PLCH1: variants seen among roughly 807,000 people sequenced by gnomAD.
PLCH1 encodes 1-phosphatidylinositol 4,5-bisphosphate phosphodiesterase eta-1.
In PLCH1, 60 loss-of-function variants were observed where a neutral mutation model predicts 126.7. The observed-to-expected ratio is 0.47, with a 90% confidence interval of 0.38 to 0.59. The LOEUF (loss-of-function observed/expected upper bound fraction) is 0.59, where lower values mean the gene tolerates loss of function less well. Ranked by LOEUF, PLCH1 falls within the 20% of genes least tolerant of loss-of-function variation. PLCH1 has a pLI of 0.00. For missense variants in PLCH1, 1,723 were observed against 2,040.0 expected (o/e 0.84, Z 2.99); for synonymous variants, 719 against 734.9 (o/e 0.98, Z 0.35).
At chr3:155,636,703 G>A (rs1224579062) in intron 2 of PLCH1, among the ~76,000 whole-genome samples, 1 of 150,408 alleles carries the variant, frequency 6.6e-6, no homozygotes, top group South Asian at 2.1e-4. Context: ...CCGAGATCAC[G>A]CCATTGCACC....
intron 2 of PLCH1, among the ~76,000 whole-genome samples, chr3:155,661,049 G>A (rs145112027): frequency 9.8e-5 from 15 of 152,326 alleles, no homozygotes; most frequent in Non-Finnish European, 2.2e-4. Context: ...ATTGCCCATA[G>A]CAGAGGTGGA....
chr3:155,497,435 AGG>A lies in PLCH1; in HGVS notation c.1797-20_1797-19del, dbSNP rs1314154480. 1.3e-6 allele frequency: 2 copies of A among 1,548,094 alleles called. No individual in the cohort carries two copies. The highest frequency in any genetic ancestry group is 2.2e-5 in the South Asian group (2 of 89,582). On this transcript the variant is annotated intron_variant, in intron 14 of 22. Coordinates refer to ENST00000460012, the MANE Select transcript of PLCH1 (RefSeq NM_014996.4). ...GACCCAATCTGTGAAGTACCCACAG[AGG>A]ATGCATGACATTTTGGAGTTGAAAG...
intron 2 of PLCH1, among the ~76,000 whole-genome samples, chr3:155,694,006 T>C (rs1264067957): frequency 6.6e-6 from 1 of 152,158 alleles, no homozygotes; most frequent in Admixed American, 6.5e-5. Context: ...TCTTCTATAT[T>C]TTCCTGCTTA....
chr3:155,631,946 T>C (rs1044293545), intron 2 of PLCH1, among the ~76,000 whole-genome samples: 15 of 141,228 alleles, frequency 1.1e-4, no homozygotes, highest in African/African-American at 3.9e-4. Context: ...CTCAGAAACA[T>C]AAAAATAGTC....
intron 2 of PLCH1, among the ~76,000 whole-genome samples, chr3:155,696,981 C>T (rs912070637): frequency 1.3e-5 from 2 of 152,214 alleles, no homozygotes; most frequent in Admixed American, 6.5e-5. Flanking sequence ...GCTTCCCATA[C>T]ATCCAGATCT....
chr3:155,597,059 G>C (rs1442783579), intron 2 of PLCH1, among the ~76,000 whole-genome samples: 1 of 152,184 alleles, frequency 6.6e-6, no homozygotes, highest in African/African-American at 2.4e-5. Context: ...AATCCACTCT[G>C]CTTTGAGACA....
chr3:155,532,148 G>A (rs1722779505), intron 10 of PLCH1, among the ~76,000 whole-genome samples: 1 of 152,216 alleles, frequency 6.6e-6, no homozygotes, highest in South Asian at 2.1e-4. Context: ...TGAGAGAAAT[G>A]TGGAGATGCC....
At chr3:155,583,911 C>T (rs1422450984) in intron 5 of PLCH1, among the ~76,000 whole-genome samples, 2 of 144,096 alleles carry the variant, frequency 1.4e-5, no homozygotes, top group African/African-American at 2.7e-5. Flanking sequence ...AACAAAGAAA[C>T]CTTAAAAAAA....
At chr3:155,599,308 T>C (rs1560225663) in intron 2 of PLCH1, among the ~76,000 whole-genome samples, 1 of 151,960 alleles carries the variant, frequency 6.6e-6, no homozygotes, top group Non-Finnish European at 1.5e-5. Context: ...AAAAAGAGAA[T>C]AGAGTAGGCT....
rs1340216206 is a variant in PLCH1 at position 155,733,938 on chromosome 3, T to C, written c.-41+10902A>G. Among the ~76,000 whole-genome samples, 9 of 46,802 alleles carry C rather than the reference T, an allele frequency of 1.9e-4. 1 individual carries two copies. The highest frequency in any genetic ancestry group is 1.4e-3 in the Admixed American group (9 of 6,426). The allele number at this position is 46,802 out of a possible 152,430, so 30.7% of individuals were successfully genotyped here. Reference sequence around the variant, plus strand: ...TACAAATGGCCAACAGGTATACATATATATATATATATATATATATATATA... The same window carrying C: ...TACAAATGGCCAACAGGTATACATACATATATATATATATATATATATATA... On this transcript the variant is annotated intron_variant, in intron 1 of 22. Transcript: ENST00000460012.
At position 155,583,493 on chromosome 3, in the gene PLCH1, C is replaced by T. The variant is rs958003946; in HGVS notation, c.750G>A (p.Gln250=). ...ATACCTTTTGCTCCACCTTCAAAAA[C>T]TGAGCCAGTTCTTCCACAGTTAGGT... ...KDHLTVEELA[Q]FLKVEQKMNN... is the part of the protein sequence containing the mutation. Residue 250 remains glutamine (Q), a synonymous_variant, in exon 6 of 23, where the codon CAG becomes CAA. Coordinates refer to ENST00000460012, the MANE Select transcript of PLCH1 (RefSeq NM_014996.4). 11 of 1,605,572 alleles carry T rather than the reference C, an allele frequency of 6.9e-6. No homozygotes were observed. The highest frequency in any genetic ancestry group is 8.5e-6 in the Non-Finnish European group (10 of 1,177,514).
chr3:155,626,694 G>T (rs1001610588), intron 2 of PLCH1, among the ~76,000 whole-genome samples: 1 of 144,998 alleles, frequency 6.9e-6, no homozygotes, highest in African/African-American at 2.6e-5. Context: ...GCATGAACCC[G>T]GGAGGCAGAG....
rs376742148 is a variant in PLCH1 at position 155,737,163 on chromosome 3, C to T, written c.-41+7677G>A. Among the ~76,000 whole-genome samples, 7 of 130,528 alleles carry T rather than the reference C, an allele frequency of 5.4e-5. No homozygotes were observed. The South Asian group carries it at 1.8e-3, about 33-fold the overall frequency. 85.6% of individuals were successfully genotyped at this position (130,528 alleles called of 152,430 possible). ...AGGAGAATCGCATGAATCCGGAAAG[C>T]GGAGGTTGCAGTGAGCCGAGATCAC... On this transcript the variant is annotated intron_variant, in intron 1 of 22. Transcript: ENST00000460012.
chr3:155,497,802 C>T (rs1456470728), intron 14 of PLCH1, among the ~76,000 whole-genome samples: 1 of 152,114 alleles, frequency 6.6e-6, no homozygotes, highest in African/African-American at 2.4e-5. Flanking sequence ...GCAACCTCTG[C>T]CTCCCAGGTT....
intron 2 of PLCH1, among the ~76,000 whole-genome samples, chr3:155,643,290 G>A (rs549479213): frequency 6.6e-6 from 1 of 152,208 alleles, no homozygotes; most frequent in African/African-American, 2.4e-5. Context: ...GGGTTAGCCA[G>A]TCACCATGTT....
chr3:155,607,239 T>C (rs1734480769), intron 2 of PLCH1, among the ~76,000 whole-genome samples: 2 of 152,078 alleles, frequency 1.3e-5, no homozygotes, highest in African/African-American at 2.4e-5. Context: ...AACTGGCAAA[T>C]AAAAAATGTA....
chr3:155,639,537 A>T (rs1416146813), intron 2 of PLCH1, among the ~76,000 whole-genome samples: 1 of 152,216 alleles, frequency 6.6e-6, no homozygotes, highest in Admixed American at 6.5e-5. Flanking sequence ...GCCTATATGA[A>T]GACATCTGAT....
At chr3:155,737,231 C>CAAAAAAAAAAAAAAAAAAAAAAAAAAAA (rs557369057) in intron 1 of PLCH1, among the ~76,000 whole-genome samples, 1 of 59,542 alleles carries the variant, frequency 1.7e-5, no homozygotes. Flanking sequence ...GCCTCCGTCT[C>CAAAAAAAAAAAAAAAAAAAAAAAAAAAA]AAAAAAAAAA....
At chr3:155,652,139 A>G (rs1740769882) in intron 2 of PLCH1, among the ~76,000 whole-genome samples, 1 of 152,066 alleles carries the variant, frequency 6.6e-6, no homozygotes, top group Non-Finnish European at 1.5e-5. Context: ...ACCTAACACT[A>G]CCTCTCATTT....
Sources: allele counts gnomAD v4.1 joint callset (sites outside exome capture counted in the v4.1 genomes callset), GRCh38; gene constraint gnomAD v4.1.1; transcripts MANE v1.5; gene names NCBI Gene and HGNC (gene_info 2026-07-23, HGNC 2026-07-21).